Variants in SLC39A11 observed in about 807,000 individuals in gnomAD.
The protein encoded by SLC39A11 is solute carrier family 39 member 11, also known as zinc transporter ZIP11.
SLC39A11 carries 33 observed loss-of-function variants against 36.1 expected under a neutral mutation model. That is an observed-to-expected ratio of 0.91 (90% CI 0.69 to 1.22). The LOEUF (loss-of-function observed/expected upper bound fraction) is 1.22, where lower values mean the gene tolerates loss of function less well. Among genes scored for constraint, SLC39A11 ranks in the 50% most tolerant of loss-of-function variants. SLC39A11 has a pLI of 0.00. For synonymous variants in SLC39A11, 166 were observed against 170.3 expected (o/e 0.97, Z 0.20); for missense variants, 432 against 430.3 (o/e 1.00, Z -0.03).
intron 3 of SLC39A11, among the ~76,000 whole-genome samples, chr17:73,062,181 C>T (rs1422468310): frequency 6.6e-6 from 1 of 151,788 alleles, no homozygotes; most frequent in Non-Finnish European, 1.5e-5. Context: ...CAGATGAGGC[C>T]GGGCGCAGTA....
intron 5 of SLC39A11, among the ~76,000 whole-genome samples, chr17:72,851,155 C>A (rs891311127): frequency 6.6e-6 from 1 of 152,132 alleles, no homozygotes; most frequent in Admixed American, 6.5e-5. Context: ...ATGGGCCATC[C>A]GTAGCACCCA....
chr17:72,713,311 C>T (rs562199787), intron 7 of SLC39A11, among the ~76,000 whole-genome samples: 1 of 152,280 alleles, frequency 6.6e-6, no homozygotes, highest in African/African-American at 2.4e-5. Context: ...AGCAGCATCT[C>T]CCTGTTTCTC....
intron 5 of SLC39A11, among the ~76,000 whole-genome samples, chr17:72,875,892 T>C (rs571951112): frequency 6.6e-6 from 1 of 152,134 alleles, no homozygotes; most frequent in Non-Finnish European, 1.5e-5. Context: ...CAGTGTGCCA[T>C]ATCAGCTTAA....
chr17:72,864,048 C>T (rs753079528), intron 5 of SLC39A11, among the ~76,000 whole-genome samples: 12 of 152,284 alleles, frequency 7.9e-5, no homozygotes, highest in East Asian at 3.9e-4. Flanking sequence ...CAACCCAAGA[C>T]GCCTAGGTTC....
chr17:72,984,187 C>T (rs1218630052), intron 4 of SLC39A11, among the ~76,000 whole-genome samples: 2 of 152,034 alleles, frequency 1.3e-5, no homozygotes, highest in African/African-American at 4.8e-5. Context: ...CAGCTCTTGC[C>T]CCTGTTCTTC....
At chr17:72,836,023 A>G (rs1039465702) in intron 6 of SLC39A11, among the ~76,000 whole-genome samples, 10 of 152,118 alleles carry the variant, frequency 6.6e-5, no homozygotes, top group African/African-American at 2.2e-4. Context: ...CATTCATTTT[A>G]CACATCTCCT....
At chr17:72,841,628 T>G (rs2078813277) in intron 6 of SLC39A11, among the ~76,000 whole-genome samples, 1 of 152,120 alleles carries the variant, frequency 6.6e-6, no homozygotes. Context: ...GACCTAGTAG[T>G]TGACAGCACA....
chr17:72,933,021 A>G (rs1197987159), intron 5 of SLC39A11, among the ~76,000 whole-genome samples: 1 of 152,200 alleles, frequency 6.6e-6, no homozygotes, highest in Non-Finnish European at 1.5e-5. Flanking sequence ...TTCCCCTAAC[A>G]TCAGAAATAA....
chr17:72,844,132 A>G (rs2078946052), intron 6 of SLC39A11, among the ~76,000 whole-genome samples: 2 of 152,226 alleles, frequency 1.3e-5, no homozygotes, highest in African/African-American at 4.8e-5. Flanking sequence ...TTAATACACT[A>G]TAAAGGATAG....
At chr17:72,984,664 T>C (rs931430000) in intron 4 of SLC39A11, among the ~76,000 whole-genome samples, 2 of 152,198 alleles carry the variant, frequency 1.3e-5, no homozygotes, top group Admixed American at 6.5e-5. Flanking sequence ...GGGATTCTCA[T>C]GCACTCTCAA....
At chr17:72,908,602 TAGG>T (rs2082792864) in intron 5 of SLC39A11, among the ~76,000 whole-genome samples, 1 of 152,164 alleles carries the variant, frequency 6.6e-6, no homozygotes, top group African/African-American at 2.4e-5. Flanking sequence ...TGGGTTTCTT[TAGG>T]AGGATTCTGA....
At chr17:72,863,419 G>A (rs772495289) in intron 5 of SLC39A11, among the ~76,000 whole-genome samples, 5 of 152,076 alleles carry the variant, frequency 3.3e-5, no homozygotes, top group Non-Finnish European at 7.4e-5. Flanking sequence ...CCCAAGGAGG[G>A]ACTCAGACCC....
chr17:72,735,428 C>T (rs952090740), intron 7 of SLC39A11, among the ~76,000 whole-genome samples: 41 of 152,172 alleles, frequency 2.7e-4, no homozygotes, highest in Middle Eastern at 3.4e-3. Flanking sequence ...CTGACAGTCA[C>T]GATCAATGGG....
chr17:72,670,300 G>C (rs2070967503), intron 7 of SLC39A11, among the ~76,000 whole-genome samples: 1 of 151,606 alleles, frequency 6.6e-6, no homozygotes, highest in South Asian at 2.1e-4. Flanking sequence ...GAGGCTGGGA[G>C]GTCAGGGCTA....
intron 6 of SLC39A11, among the ~76,000 whole-genome samples, chr17:72,838,846 C>A (rs544539967): frequency 3.6e-4 from 55 of 152,240 alleles, no homozygotes; most frequent in Non-Finnish European, 5.9e-5. Flanking sequence ...TCACGAAGAA[C>A]TGAGGGATAA....
intron 6 of SLC39A11, among the ~76,000 whole-genome samples, chr17:72,757,026 C>T (rs1477696825): frequency 4.7e-5 from 7 of 150,290 alleles, no homozygotes; most frequent in South Asian, 4.2e-4. Flanking sequence ...ATTAGCCAGG[C>T]GTGGTAGCGG....
chr17:72,928,358 A>G (rs529976958), intron 5 of SLC39A11, among the ~76,000 whole-genome samples: 1 of 152,326 alleles, frequency 6.6e-6, no homozygotes, highest in African/African-American at 2.4e-5. Context: ...AGGAAAGAAA[A>G]CCATGAATCC....
rs555872690 is a variant in SLC39A11, at chr17:73,082,048, G to C, written c.147+2760C>G. ...GGGTGATGGGTACACCAAAATCTCA[G>C]AAATTACCGCTAAAGAACTTATCCT... On this transcript the variant is annotated intron_variant, in intron 3 of 9. Coordinates refer to ENST00000255559, the MANE Select transcript of SLC39A11 (RefSeq NM_139177.4). 2.1e-4 allele frequency among the ~76,000 whole-genome samples: 25 copies of C among 121,050 alleles called. No homozygotes were observed. In the South Asian group the frequency reaches 6.9e-3, roughly 33 times the overall value. The allele number at this position is 121,050 out of a possible 152,430, so 79.4% of individuals were successfully genotyped here. A position where few individuals can be genotyped will look rare whatever the true frequency, so the allele number is the denominator to read the frequency against.
rs200210150 is a variant in SLC39A11, at chr17:72,777,909, T to C, written c.602-41190A>G. Among the ~76,000 whole-genome samples, 13 of 133,392 alleles carry C rather than the reference T, an allele frequency of 9.7e-5. No homozygotes were observed. In the East Asian group the frequency reaches 2.8e-3, roughly 28 times the overall value. 87.5% of individuals were successfully genotyped at this position (133,392 alleles called of 152,430 possible). ...TGTATGTATGTATGTACGTACATAC[T>C]TACTTACTTATTTGAGACAGAGCCT... On this transcript the variant is annotated intron_variant, in intron 6 of 9. Coordinates refer to ENST00000255559, the MANE Select transcript of SLC39A11 (RefSeq NM_139177.4).
Sources: gnomAD v4.1 joint callset for allele counts (sites outside exome capture counted in the v4.1 genomes callset) on GRCh38, gnomAD v4.1.1 for gene constraint, MANE v1.5 for transcripts, NCBI Gene and HGNC (gene_info 2026-07-23, HGNC 2026-07-21) for gene names.